The following BRAF variants were observed in gnomAD, a reference collection of about 807,000 sequenced individuals.
BRAF encodes serine/threonine-protein kinase B-raf.
A neutral mutation model predicts 104.6 loss-of-function variants in BRAF; 16 were observed. The observed-to-expected ratio is 0.15, with a 90% confidence interval of 0.10 to 0.23. BRAF has a LOEUF of 0.23. BRAF is among the 10% of genes least tolerant of loss of function. The pLI, the probability that BRAF is intolerant of heterozygous loss-of-function variation, is 1.00. For synonymous variants in BRAF, 310 were observed against 341.6 expected (o/e 0.91, Z 1.02); for missense variants, 541 against 937.3 (o/e 0.58, Z 5.52).
At chr7:140,878,813 G>A (rs966150486) in intron 1 of BRAF, among the ~76,000 whole-genome samples, 19 of 152,062 alleles carry the variant, frequency 1.2e-4, no homozygotes, top group East Asian at 9.6e-4. Flanking sequence ...TCAGCATTGC[G>A]CACTGTATAC....
At chr7:140,828,721 T>C (rs760397694) in intron 3 of BRAF, among the ~76,000 whole-genome samples, 2 of 152,204 alleles carry the variant, frequency 1.3e-5, no homozygotes, top group Admixed American at 6.5e-5. Context: ...ATTTAACAAA[T>C]ATCCTTGTAT....
rs899638842 is a variant in BRAF, at chr7:140,723,386, A to T, written c.*3108T>A. On this transcript the variant is annotated 3_prime_UTR_variant, in exon 20 of 20. Coordinates refer to ENST00000644969, the MANE Select transcript of BRAF (RefSeq NM_001374258.1). ...CACCAACATAAATATAGCATATATC[A>T]TTTGTATGGGATTTTATCTTCTAAA... 3.8e-6 allele frequency: 4 copies of T among 1,054,284 alleles called. No homozygotes were observed. In the African/African-American group the frequency reaches 6.6e-5, roughly 17 times the overall value. 65.3% of individuals were successfully genotyped at this position (1,054,284 alleles called of 1,614,324 possible).
rs1450023878 is a variant in BRAF, at chr7:140,723,380, T to C, written c.*3114A>G. 9.5e-7 allele frequency: 1 copy of C among 1,054,480 alleles called. No homozygotes were observed. Among genetic ancestry groups the C allele is most frequent in the South Asian group, 4.6e-5 (1 of 21,868 alleles). 65.3% of individuals were successfully genotyped at this position (1,054,480 alleles called of 1,614,324 possible). On this transcript the variant is annotated 3_prime_UTR_variant, in exon 20 of 20. Transcript: ENST00000644969. Reference sequence around the variant, plus strand: ...CTCCAACACCAACATAAATATAGCATATATCATTTGTATGGGATTTTATCT... The same window carrying C: ...CTCCAACACCAACATAAATATAGCACATATCATTTGTATGGGATTTTATCT...
At chr7:140,802,196 C>CA (rs1349387480) in intron 5 of BRAF, among the ~76,000 whole-genome samples, 3 of 151,918 alleles carry the variant, frequency 2.0e-5, no homozygotes, top group Non-Finnish European at 4.4e-5. Flanking sequence ...ACAGTGGTCC[C>CA]ATAAGATTAT....
intron 2 of BRAF, among the ~76,000 whole-genome samples, chr7:140,847,581 A>G (rs1404168813): frequency 6.6e-6 from 1 of 151,890 alleles, no homozygotes; most frequent in Non-Finnish European, 1.5e-5. Flanking sequence ...ATTCCATCTC[A>G]GGAGGAAAAA....
At chr7:140,811,298 T>A (rs529454946) in intron 3 of BRAF, among the ~76,000 whole-genome samples, 1 of 152,094 alleles carries the variant, frequency 6.6e-6, no homozygotes, top group Non-Finnish European at 1.5e-5. Context: ...TTGGGTGACA[T>A]TGACAGATCT....
chr7:140,763,425 C>T (rs1253202769), intron 14 of BRAF, among the ~76,000 whole-genome samples: 3 of 151,300 alleles, frequency 2.0e-5, no homozygotes, highest in Non-Finnish European at 4.4e-5. Flanking sequence ...CAGAGGCGCC[C>T]CTCACCTCCC....
chr7:140,922,553 C>T (rs974708601), intron 1 of BRAF, among the ~76,000 whole-genome samples: 2 of 152,214 alleles, frequency 1.3e-5, no homozygotes, highest in Admixed American at 6.5e-5. Flanking sequence ...ATAACCCCTA[C>T]TTATTACTTC....
chr7:140,817,679 A>C (rs997932298), intron 3 of BRAF, among the ~76,000 whole-genome samples: 1 of 152,218 alleles, frequency 6.6e-6, no homozygotes, highest in Non-Finnish European at 1.5e-5. Context: ...AGGTGCCAAG[A>C]ACATACACTG....
intron 1 of BRAF, among the ~76,000 whole-genome samples, chr7:140,902,083 TTTTG>T (rs1395258260): frequency 6.6e-6 from 1 of 152,246 alleles, no homozygotes; most frequent in Non-Finnish European, 1.5e-5. Context: ...GGATAATGGT[TTTTG>T]TTTGTTTTTT....
At chr7:140,789,229 A>AC (rs1801701828) in intron 8 of BRAF, among the ~76,000 whole-genome samples, 1 of 151,680 alleles carries the variant, frequency 6.6e-6, no homozygotes, top group Admixed American at 6.6e-5. Context: ...CAAAAAAAAA[A>AC]CTATATATAT....
chr7:140,864,143 C>A (rs751483828), intron 1 of BRAF, among the ~76,000 whole-genome samples: 18 of 152,054 alleles, frequency 1.2e-4, no homozygotes, highest in Non-Finnish European at 2.1e-4. Flanking sequence ...CTAGTTGAAA[C>A]TATGATTGTG....
intron 14 of BRAF, among the ~76,000 whole-genome samples, chr7:140,754,635 T>G (rs1355639464): frequency 6.6e-6 from 1 of 152,190 alleles, no homozygotes; most frequent in Non-Finnish European, 1.5e-5. Flanking sequence ...CCTATTCATA[T>G]CCATCCTTTA....
At chr7:140,773,363 T>C (rs937041145) in intron 14 of BRAF, 2 of 152,206 alleles carry the variant, frequency 1.3e-5, no homozygotes, top group Non-Finnish European at 2.9e-5. Context: ...CTTTGGGTCT[T>C]TCCTCTTGAG....
At chr7:140,849,154 G>T (rs373684228) in intron 2 of BRAF, among the ~76,000 whole-genome samples, 63 of 152,266 alleles carry the variant, frequency 4.1e-4, no homozygotes, top group African/African-American at 1.5e-3. Context: ...AGTGAGCAGT[G>T]TGGGCTGTAG....
chr7:140,798,140 T>C (rs1562964751), intron 7 of BRAF, among the ~76,000 whole-genome samples: 1 of 152,136 alleles, frequency 6.6e-6, no homozygotes, highest in African/African-American at 2.4e-5. Context: ...TTTCTCTAGG[T>C]AGAAATCTGA....
intron 2 of BRAF, among the ~76,000 whole-genome samples, chr7:140,841,768 G>T (rs772576806): frequency 6.6e-6 from 1 of 152,080 alleles, no homozygotes; most frequent in African/African-American, 2.4e-5. Flanking sequence ...TTCTTTTGGG[G>T]AGTGATAAAA....
intron 19 of BRAF, chr7:140,734,134 C>T: frequency 9.4e-7 from 1 of 1,058,934 alleles, no homozygotes; most frequent in South Asian, 4.6e-5. Context: ...TTATTAAATT[C>T]TACTGACTTC....
chr7:140,920,352 C>A (rs955644179), intron 1 of BRAF, among the ~76,000 whole-genome samples: 4 of 152,164 alleles, frequency 2.6e-5, no homozygotes, highest in African/African-American at 9.6e-5. Context: ...AAGTAGTCAT[C>A]GCATTCTCTG....
Sources: allele counts gnomAD v4.1 joint callset (sites outside exome capture counted in the v4.1 genomes callset), GRCh38; gene constraint gnomAD v4.1.1; transcripts MANE v1.5; gene names NCBI Gene and HGNC (gene_info 2026-07-23, HGNC 2026-07-21).